ANXA8: variants seen among roughly 807,000 people sequenced by gnomAD.
The protein encoded by ANXA8 is VAC-beta.
In ANXA8, 9 loss-of-function variants were observed where a neutral mutation model predicts 26.8. That is an observed-to-expected ratio of 0.34 (90% confidence interval 0.20 to 0.59). The LOEUF is 0.59. Ranked by LOEUF, ANXA8 falls within the 20% of genes least tolerant of loss-of-function variation. The probability of loss-of-function intolerance (pLI) is 0.84; values close to 1 mark genes in which losing one functional copy is unlikely to be tolerated. For missense variants in ANXA8, 83 were observed against 238.5 expected (o/e 0.35, Z 4.29); for synonymous variants, 39 against 94.8 (o/e 0.41, Z 3.42).
At chr10:47,675,895 G>T in the ANXA8 span, among the ~76,000 whole-genome samples, 2 of 151,778 alleles carry the variant, frequency 1.3e-5, no homozygotes, top group African/African-American at 4.9e-5. Context: ...GGGGATTTCT[G>T]TAGAGTCATG....
chr10:47,550,143 C>T, the ANXA8 span, among the ~76,000 whole-genome samples: 213 of 150,952 alleles, frequency 1.4e-3, no homozygotes, highest in Admixed American at 5.4e-3. Flanking sequence ...AATATGGATG[C>T]GCCAAAGATA....
the ANXA8 span, among the ~76,000 whole-genome samples, chr10:47,939,587 G>T: frequency 6.9e-6 from 1 of 145,216 alleles, no homozygotes. Context: ...TCTACCTGCA[G>T]GCTGGACGCC....
chr10:47,634,373 CTATT>C, the ANXA8 span, among the ~76,000 whole-genome samples: 1 of 54,040 alleles, frequency 1.9e-5, no homozygotes, highest in East Asian at 5.7e-4. Context: ...GATTCAATAA[CTATT>C]TAATGAATTG....
the ANXA8 span, chr10:47,502,417 T>A: frequency 1.2e-6 from 2 of 1,610,916 alleles, no homozygotes; most frequent in Middle Eastern, 4.1e-4. Context: ...CTTCTCCTCA[T>A]ATTTGGAACG....
At chr10:47,680,634 C>CA in the ANXA8 span, among the ~76,000 whole-genome samples, 9,610 of 128,850 alleles carry the variant, frequency 0.075, 229 homozygotes, top group African/African-American at 0.18. Context: ...GACTCCATCT[C>CA]AAAAAAAAAA....
chr10:47,652,201 C>T, the ANXA8 span, among the ~76,000 whole-genome samples: 6 of 151,984 alleles, frequency 3.9e-5, no homozygotes, highest in East Asian at 1.9e-4. Flanking sequence ...TAGAAATGTT[C>T]TGGAATTAGT....
the ANXA8 span, among the ~76,000 whole-genome samples, chr10:47,599,136 A>C: frequency 1.4e-5 from 2 of 146,744 alleles, no homozygotes; most frequent in African/African-American, 5.3e-5. Context: ...ATGGTATTGA[A>C]ATAATTTCCA....
the ANXA8 span, among the ~76,000 whole-genome samples, chr10:47,720,237 T>C: frequency 6.9e-6 from 1 of 145,242 alleles, no homozygotes; most frequent in African/African-American, 2.6e-5. Context: ...GGAATCGTTA[T>C]AGGAATTTCT....
the ANXA8 span, among the ~76,000 whole-genome samples, chr10:47,577,288 A>G: frequency 7.0e-6 from 1 of 143,468 alleles, no homozygotes; most frequent in Non-Finnish European, 1.5e-5. Flanking sequence ...CTGTAACTTC[A>G]GCACTTTTGG....
the ANXA8 span, among the ~76,000 whole-genome samples, chr10:47,627,778 T>C: frequency 6.7e-6 from 1 of 149,808 alleles, no homozygotes; most frequent in Non-Finnish European, 1.5e-5. Context: ...ATGTTACGAT[T>C]ACTAATCTTT....
chr10:47,674,200 C>G, the ANXA8 span, among the ~76,000 whole-genome samples: 1 of 150,198 alleles, frequency 6.7e-6, no homozygotes, highest in African/African-American at 2.5e-5. Context: ...GGTATGATGA[C>G]AGCTCACTGC....
the ANXA8 span, among the ~76,000 whole-genome samples, chr10:47,975,362 G>A: frequency 5.4e-5 from 8 of 148,684 alleles, no homozygotes; most frequent in African/African-American, 2.0e-4. Flanking sequence ...CTTTGCACTG[G>A]GCAACCCTAA....
the ANXA8 span, among the ~76,000 whole-genome samples, chr10:47,627,404 G>C: frequency 4.7e-5 from 7 of 150,178 alleles, no homozygotes; most frequent in Admixed American, 4.6e-4. Flanking sequence ...CTGTGATAAA[G>C]AGTGTCACTC....
At chr10:47,497,543 C>T in the ANXA8 span, among the ~76,000 whole-genome samples, 42 of 148,954 alleles carry the variant, frequency 2.8e-4, no homozygotes, top group Non-Finnish European at 4.7e-4. Context: ...TGCTTGAACA[C>T]GGGAGGTGGA....
chr10:47,543,902 T>C, the ANXA8 span, among the ~76,000 whole-genome samples: 20,886 of 97,104 alleles, frequency 0.22, 2,896 homozygotes, highest in African/African-American at 0.46. Flanking sequence ...AGACGACGTC[T>C]ACCTGGGGTC....
chr10:47,498,699 G>T, the ANXA8 span, among the ~76,000 whole-genome samples: 3 of 138,382 alleles, frequency 2.2e-5, no homozygotes, highest in African/African-American at 7.9e-5. Flanking sequence ...TGAACAGAAG[G>T]CAAGTCAGGG....
chr10:47,647,868 A>G, the ANXA8 span, among the ~76,000 whole-genome samples: 1 of 151,978 alleles, frequency 6.6e-6, no homozygotes, highest in African/African-American at 2.4e-5. Flanking sequence ...AAAAAGTAAC[A>G]ACACTGTGGA....
the ANXA8 span, among the ~76,000 whole-genome samples, chr10:47,745,600 T>C: frequency 5.6e-5 from 6 of 107,056 alleles, no homozygotes; most frequent in African/African-American, 1.5e-4. Flanking sequence ...ATTTTCATCA[T>C]GGAATGTCAG....
chr10:47,487,393 A>C (rs1441333363), upstream of ANXA8: 86 of 1,047,082 alleles, frequency 8.2e-5, 1 homozygote, highest in Non-Finnish European at 1.1e-4. Context: ...GGCTTTCTTT[A>C]TGGCTTCAGC....
Sources: allele counts gnomAD v4.1 joint callset (sites outside exome capture counted in the v4.1 genomes callset), GRCh38; gene constraint gnomAD v4.1.1; transcripts MANE v1.5; gene names NCBI Gene and HGNC (gene_info 2026-07-23, HGNC 2026-07-21).